GALNT13: variants seen among roughly 807,000 people sequenced by gnomAD.
GALNT13 encodes the protein polypeptide N-acetylgalactosaminyltransferase 13.
A neutral mutation model predicts 64.2 loss-of-function variants in GALNT13; 28 were observed. The ratio of observed to expected loss-of-function variants is 0.44; its 90% CI spans 0.32 to 0.60. GALNT13 has a LOEUF of 0.60. GALNT13 is among the 20% of genes least tolerant of loss of function. The probability of loss-of-function intolerance (pLI) is 0.05; values close to 1 mark genes in which losing one functional copy is unlikely to be tolerated. For synonymous variants in GALNT13, 214 were observed against 224.6 expected, an observed-to-expected ratio of 0.95 and a Z score of 0.42; for missense variants, 577 against 669.8, an observed-to-expected ratio of 0.86 and a Z score of 1.53.
At chr2:153,576,257 C>A in the GALNT13 span, among the ~76,000 whole-genome samples, 4 of 152,054 alleles carry the variant, frequency 2.6e-5, no homozygotes, top group African/African-American at 9.7e-5. Context: ...CCGTAGCTGC[C>A]CCGGCTGGTC....
chr2:153,100,352 C>G, the GALNT13 span, among the ~76,000 whole-genome samples: 132 of 152,302 alleles, frequency 8.7e-4, 2 homozygotes, highest in East Asian at 0.022. Flanking sequence ...GGAAAGCATT[C>G]CTTTCTTATC....
intron 8 of GALNT13, among the ~76,000 whole-genome samples, chr2:154,278,038 C>A (rs1460705664): frequency 6.6e-6 from 1 of 152,072 alleles, no homozygotes; most frequent in Non-Finnish European, 1.5e-5. Context: ...ATATGTGATC[C>A]CTGACCAAAA....
chr2:153,693,459 C>A, the GALNT13 span, among the ~76,000 whole-genome samples: 1 of 151,972 alleles, frequency 6.6e-6, no homozygotes, highest in African/African-American at 2.4e-5. Context: ...TTGGGCTAAG[C>A]GGGATCTATA....
chr2:154,050,978 C>T (rs1699572065), intron 3 of GALNT13, among the ~76,000 whole-genome samples: 1 of 152,172 alleles, frequency 6.6e-6, no homozygotes, highest in Non-Finnish European at 1.5e-5. Flanking sequence ...CCTCCCCCTC[C>T]CAGGACTTAG....
chr2:153,490,959 CA>C, the GALNT13 span, among the ~76,000 whole-genome samples: 9,504 of 96,012 alleles, frequency 0.099, 285 homozygotes, highest in Admixed American at 0.16. Flanking sequence ...GACTCTGTCT[CA>C]AAAAAAAAAA....
At chr2:154,234,879 C>T (rs1047669489) in intron 4 of GALNT13, among the ~76,000 whole-genome samples, 1 of 151,870 alleles carries the variant, frequency 6.6e-6, no homozygotes, top group Non-Finnish European at 1.5e-5. Context: ...AAAGAATCCC[C>T]TAGTCTATTG....
the GALNT13 span, among the ~76,000 whole-genome samples, chr2:153,583,409 A>C: frequency 6.6e-6 from 1 of 152,248 alleles, no homozygotes; most frequent in Admixed American, 6.5e-5. Flanking sequence ...AGACAATCAC[A>C]CTTTGAATAA....
intron 9 of GALNT13, among the ~76,000 whole-genome samples, chr2:154,324,984 T>C (rs1475926251): frequency 5.9e-5 from 9 of 152,212 alleles, no homozygotes; most frequent in African/African-American, 1.9e-4. Context: ...CTTGTTTTCT[T>C]TTGTTTGTTC....
At chr2:153,857,551 C>T in the GALNT13 span, among the ~76,000 whole-genome samples, 4 of 152,216 alleles carry the variant, frequency 2.6e-5, no homozygotes, top group East Asian at 7.7e-4. Context: ...TTCATTTCTG[C>T]TTTAACCACT....
chr2:154,346,936 G>A (rs1005796832), intron 9 of GALNT13, among the ~76,000 whole-genome samples: 2 of 151,962 alleles, frequency 1.3e-5, no homozygotes, highest in African/African-American at 2.4e-5. Flanking sequence ...ACAACCGTGG[G>A]TTTCATGTGT....
chr2:153,867,066 C>T (rs1685780063), upstream of GALNT13, among the ~76,000 whole-genome samples: 1 of 152,176 alleles, frequency 6.6e-6, no homozygotes, highest in Non-Finnish European at 1.5e-5. Context: ...AACAGTCAAT[C>T]TGCAGCTGAC....
the GALNT13 span, among the ~76,000 whole-genome samples, chr2:153,375,328 G>A: frequency 6.6e-6 from 1 of 151,796 alleles, no homozygotes; most frequent in Admixed American, 6.6e-5. Flanking sequence ...TACTTTTTTT[G>A]ACAAATATAT....
Position 154,450,487 on chromosome 2 carries a change from T to G in GALNT13, c.1607T>G (p.Met536Arg), listed in dbSNP as rs2105508745. The change falls in exon 13 of 13, where the codon ATG becomes AGG. Residue 536 changes from methionine to arginine, a missense_variant. Around this residue, in one of 3 missense-constraint regions of GALNT13, gnomAD observed 232 missense variants for 270.6 expected, o/e 0.86. Transcript: ENST00000392825. ...PSEEDKMVPTMQDCSGSRSQQ... is the reference protein window; with the variant it reads ...PSEEDKMVPTRQDCSGSRSQQ... ...GAAGAAGACAAAATGGTGCCTACAATGCAGGACTGTAGTGGAAGCAGATCC... is the reference window on the plus strand; with the variant it reads ...GAAGAAGACAAAATGGTGCCTACAAGGCAGGACTGTAGTGGAAGCAGATCC... 6.2e-7 allele frequency: 1 copy of G among 1,612,850 alleles called. No individual in the cohort carries two copies.
At chr2:153,760,468 A>G in the GALNT13 span, among the ~76,000 whole-genome samples, 15 of 152,140 alleles carry the variant, frequency 9.9e-5, no homozygotes, top group Non-Finnish European at 1.9e-4. Flanking sequence ...GTTTTTAAAA[A>G]TGTCCCTTTT....
chr2:153,887,257 T>C (rs1423190636), intron 1 of GALNT13, among the ~76,000 whole-genome samples: 1 of 151,342 alleles, frequency 6.6e-6, no homozygotes, highest in Non-Finnish European at 1.5e-5. Flanking sequence ...GCTTGGCACT[T>C]AGCAGGTGCT....
chr2:153,666,915 G>A, the GALNT13 span, among the ~76,000 whole-genome samples: 3 of 152,086 alleles, frequency 2.0e-5, no homozygotes, highest in Admixed American at 2.0e-4. Context: ...AGGAATCTAA[G>A]GAGTCCAGTA....
At chr2:153,291,805 G>A in the GALNT13 span, among the ~76,000 whole-genome samples, 2 of 150,736 alleles carry the variant, frequency 1.3e-5, no homozygotes, top group Non-Finnish European at 3.0e-5. Flanking sequence ...TCAAATGTGT[G>A]TAAAAGTACG....
At chr2:154,329,691 T>TG (rs1244283990) in intron 9 of GALNT13, among the ~76,000 whole-genome samples, 4 of 151,998 alleles carry the variant, frequency 2.6e-5, no homozygotes, top group Non-Finnish European at 4.4e-5. Context: ...GTTTGGGTCA[T>TG]GGGGGTGTAT....
At chr2:153,264,824 C>T in the GALNT13 span, among the ~76,000 whole-genome samples, 1 of 152,198 alleles carries the variant, frequency 6.6e-6, no homozygotes. Flanking sequence ...TCAGGAAAAA[C>T]AGCTAATGCA....
Sources: allele counts gnomAD v4.1 joint callset (sites outside exome capture counted in the v4.1 genomes callset), GRCh38; gene constraint gnomAD v4.1.1; regional missense constraint gnomAD v4.1.1; transcripts MANE v1.5; gene names NCBI Gene and HGNC (gene_info 2026-07-23, HGNC 2026-07-21).